The following POLN variants were observed in gnomAD, a reference collection of about 807,000 sequenced individuals.
The protein encoded by POLN is DNA polymerase N.
A neutral mutation model predicts 113.5 loss-of-function variants in POLN; 108 were observed. The ratio of observed to expected loss-of-function variants is 0.95; its 90% CI spans 0.81 to 1.12. The LOEUF is 1.12. POLN is among the 50% of genes most tolerant of loss of function. The pLI, the probability that POLN is intolerant of heterozygous loss-of-function variation, is 0.00. For missense variants in POLN, 1,097 were observed against 1,077.1 expected (o/e 1.02, Z -0.26); for synonymous variants, 386 against 391.5 (o/e 0.99, Z 0.17).
chr4:2,169,389 A>T (rs184757030), intron 13 of POLN, among the ~76,000 whole-genome samples: 22 of 152,282 alleles, frequency 1.4e-4, no homozygotes, highest in Admixed American at 1.4e-3. Context: ...GGGAATGGGG[A>T]AAAGGAGGCA....
chr4:2,141,901 G>A (rs974431567), intron 16 of POLN, among the ~76,000 whole-genome samples: 4 of 152,146 alleles, frequency 2.6e-5, no homozygotes, highest in Non-Finnish European at 4.4e-5. Flanking sequence ...TTCCACCCAC[G>A]CTCTGAGTTT....
At chr4:2,143,188 C>G (rs1732047650) in intron 16 of POLN, among the ~76,000 whole-genome samples, 1 of 151,274 alleles carries the variant, frequency 6.6e-6, no homozygotes, top group Non-Finnish European at 1.5e-5. Flanking sequence ...AAAAGAAAAG[C>G]AAAATAAACC....
intron 1 of POLN, 105 bp downstream of exon 1, chr4:2,241,946 C>T: frequency 1.0e-6 from 1 of 985,576 alleles, no homozygotes; most frequent in Non-Finnish European, 1.2e-6. Context: ...GAAGGAGCCC[C>T]CAGGAGCGCA....
intron 24 of POLN, among the ~76,000 whole-genome samples, chr4:2,074,807 C>T (rs995414359): frequency 6.6e-6 from 1 of 152,168 alleles, no homozygotes; most frequent in African/African-American, 2.4e-5. Flanking sequence ...TGGGCACCTG[C>T]TCTCGCCTCT....
At chr4:2,155,160 C>A (rs537672000) in intron 16 of POLN, among the ~76,000 whole-genome samples, 1 of 152,314 alleles carries the variant, frequency 6.6e-6, no homozygotes, top group Non-Finnish European at 1.5e-5. Flanking sequence ...TAAGAAGTAT[C>A]AACTAAGAGA....
intron 5 of POLN, among the ~76,000 whole-genome samples, chr4:2,206,553 A>C (rs1004964573): frequency 6.6e-6 from 1 of 152,242 alleles, no homozygotes; most frequent in Non-Finnish European, 1.5e-5. Context: ...ATTAGCAAGA[A>C]AAAAGCAAAC....
chr4:2,215,215 T>C (rs1734083379), intron 3 of POLN, among the ~76,000 whole-genome samples: 1 of 152,140 alleles, frequency 6.6e-6, no homozygotes, highest in Non-Finnish European at 1.5e-5. Context: ...CTAAAAAGAA[T>C]GACCTTGTTA....
At chr4:2,108,637 A>G (rs887048976) in intron 19 of POLN, among the ~76,000 whole-genome samples, 2 of 152,278 alleles carry the variant, frequency 1.3e-5, no homozygotes, top group Admixed American at 1.3e-4. Flanking sequence ...TTAAAATTGA[A>G]GAATACTTTT....
chr4:2,218,215 TAAG>T (rs2108768581), intron 3 of POLN, among the ~76,000 whole-genome samples: 1 of 149,024 alleles, frequency 6.7e-6, no homozygotes, highest in Non-Finnish European at 1.5e-5. Flanking sequence ...GCGGATCATC[TAAG>T]GTCGGGAGTT....
chr4:2,073,642 C>T (rs1469200260), intron 24 of POLN, among the ~76,000 whole-genome samples: 2 of 152,230 alleles, frequency 1.3e-5, no homozygotes, highest in Non-Finnish European at 2.9e-5. Flanking sequence ...AGGTGGGACC[C>T]GCAAGCTCAG....
At chr4:2,154,026 T>C (rs1732359478) in intron 16 of POLN, among the ~76,000 whole-genome samples, 1 of 151,134 alleles carries the variant, frequency 6.6e-6, no homozygotes, top group Non-Finnish European at 1.5e-5. Flanking sequence ...TGAAACCCTA[T>C]CTCTACTAAG....
At chr4:2,157,989 T>C (rs944760434) in intron 14 of POLN, 78 bp from the exon 15 acceptor site, 7 of 1,152,704 alleles carry the variant, frequency 6.1e-6, no homozygotes, top group Admixed American at 3.9e-5. Flanking sequence ...TCTCGCTCCA[T>C]TGCCCAGGCT....
At position 2,085,647 on chromosome 4, in the gene POLN, G is replaced by A. The variant is rs377631574; in HGVS notation, c.2163C>T (p.Phe721=). 39 of 1,613,976 alleles carry A rather than the reference G, an allele frequency of 2.4e-5. No homozygotes were observed. The highest frequency in any genetic ancestry group is 3.1e-5 in the Non-Finnish European group (37 of 1,180,044). The change falls in exon 21 of 26, where the codon TTC becomes TTT. Residue 721 remains phenylalanine, a synonymous_variant. Transcript: ENST00000511885. ...GACACTGGGCAATAGCTGCTCGGGCGAAGTCCTTGATTTTCTTGTACTTCT... is the reference window on the plus strand; with the variant it reads ...GACACTGGGCAATAGCTGCTCGGGCAAAGTCCTTGATTTTCTTGTACTTCT... ...FLQKYKKIKD[F]ARAAIAQCHQ... is the part of the protein sequence containing the mutation.
intron 2 of POLN, among the ~76,000 whole-genome samples, chr4:2,237,270 ATT>A (rs5855728): frequency 1.4e-5 from 2 of 146,084 alleles, no homozygotes; most frequent in Non-Finnish European, 1.5e-5. Context: ...ATCTCTACAA[ATT>A]TTTTTTTTTT....
Position 2,198,658 on chromosome 4 carries a change from G to A in POLN, c.774C>T (p.Gly258=). 1 of 1,613,428 alleles carries A rather than the reference G, an allele frequency of 6.2e-7. No individual in the cohort carries two copies. Among genetic ancestry groups the A allele is most frequent in the Non-Finnish European group, 8.5e-7 (1 of 1,179,746 alleles). Residue 258 remains glycine (G), a synonymous_variant, in exon 6 of 26, where the codon GGC becomes GGT. Transcript: ENST00000511885. ...VVLVKRQAEG[G]HGCPDAPACG... is the part of the protein sequence containing the mutation. ...AGGCCGGGGCATCTGGACAGCCATG[G>A]CCACCCTCTGCTTGGCGTTTTACTA...
At chr4:2,085,272 T>A (rs1309384441) in intron 21 of POLN, among the ~76,000 whole-genome samples, 1 of 152,266 alleles carries the variant, frequency 6.6e-6, no homozygotes. Flanking sequence ...GTTTCCTTCA[T>A]GACCTGATTG....
intron 3 of POLN, among the ~76,000 whole-genome samples, chr4:2,215,200 A>T (rs546513206): frequency 6.6e-6 from 1 of 152,330 alleles, no homozygotes; most frequent in African/African-American, 2.4e-5. Flanking sequence ...TGAAATACAT[A>T]GCCACTAAAA....
chr4:2,143,828 T>C (rs1413385585), intron 16 of POLN, among the ~76,000 whole-genome samples: 4 of 152,174 alleles, frequency 2.6e-5, no homozygotes, highest in African/African-American at 9.7e-5. Context: ...GATCCAACAG[T>C]TGACTTGTGC....
intron 3 of POLN, among the ~76,000 whole-genome samples, chr4:2,224,118 G>C (rs1047787325): frequency 5.3e-5 from 8 of 152,038 alleles, no homozygotes; most frequent in Non-Finnish European, 1.2e-4. Flanking sequence ...TTCATATCTT[G>C]ATTCCATAAC....
Sources: gnomAD v4.1 joint callset for allele counts (sites outside exome capture counted in the v4.1 genomes callset) on GRCh38, gnomAD v4.1.1 for gene constraint, MANE v1.5 for transcripts, NCBI Gene and HGNC (gene_info 2026-07-23, HGNC 2026-07-21) for gene names.